PARD3B: variants seen among roughly 807,000 people sequenced by gnomAD.
The protein encoded by PARD3B is partitioning defective 3 homolog B.
PARD3B carries 103 observed loss-of-function variants against 130.2 expected under a neutral mutation model. That is an observed-to-expected ratio of 0.79 (90% CI 0.67 to 0.93). The LOEUF is 0.93. PARD3B is among the 40% of genes least tolerant of loss of function. The pLI is 0.00. For synonymous variants in PARD3B, 583 were observed against 553.2 expected (o/e 1.05, Z -0.76); for missense variants, 1,609 against 1,499.2 (o/e 1.07, Z -1.21).
intron 22 of PARD3B, among the ~76,000 whole-genome samples, chr2:205,601,382 T>C (rs1248066365): frequency 6.6e-6 from 1 of 152,208 alleles, no homozygotes; most frequent in East Asian, 1.9e-4. Context: ...AAGTTCCTTA[T>C]AGATTCTGGA....
At chr2:204,865,745 A>G (rs2045385924) in intron 2 of PARD3B, among the ~76,000 whole-genome samples, 1 of 152,228 alleles carries the variant, frequency 6.6e-6, no homozygotes, top group Non-Finnish European at 1.5e-5. Flanking sequence ...GAACTTATTT[A>G]TGTAACCAAA....
At chr2:205,340,817 T>G (rs1022949385) in intron 18 of PARD3B, among the ~76,000 whole-genome samples, 1 of 152,028 alleles carries the variant, frequency 6.6e-6, no homozygotes, top group African/African-American at 2.4e-5. Flanking sequence ...GCCACTCCAC[T>G]CTGGGTGAAA....
chr2:204,814,910 A>C (rs2043093551), intron 2 of PARD3B, among the ~76,000 whole-genome samples: 1 of 152,044 alleles, frequency 6.6e-6, no homozygotes, highest in South Asian at 2.1e-4. Context: ...CTTCAGTACA[A>C]GTAAAATTGT....
chr2:205,299,001 C>T lies in PARD3B; in HGVS notation c.2186-1529C>T, dbSNP rs534409083. Among the ~76,000 whole-genome samples the T allele has an allele frequency of 3.1e-3, 472 of 152,244 alleles. 1 individual carries two copies. Among genetic ancestry groups the T allele is most frequent in the African/African-American group, 0.011 (447 of 41,552 alleles). The stretch of plus-strand genomic sequence containing the variant: ...GGGGCTAAAAGTAGTACCAGTAGCA[C>T]AACTATAAGGATTATAGTAAGTTAC... On this transcript the variant is annotated intron_variant, in intron 16 of 22. Coordinates refer to ENST00000406610, the MANE Select transcript of PARD3B (RefSeq NM_001302769.2).
chr2:205,147,461 A>G (rs1043580959), intron 10 of PARD3B, among the ~76,000 whole-genome samples: 2 of 152,204 alleles, frequency 1.3e-5, no homozygotes, highest in Admixed American at 6.5e-5. Flanking sequence ...TTGAACAGGC[A>G]ATATGGAATG....
At chr2:204,667,887 G>A (rs2125197788) in intron 1 of PARD3B, among the ~76,000 whole-genome samples, 2 of 152,296 alleles carry the variant, frequency 1.3e-5, no homozygotes, top group Non-Finnish European at 2.9e-5. Flanking sequence ...CTTTTAGCAT[G>A]TGAAAGACTT....
intron 22 of PARD3B, among the ~76,000 whole-genome samples, chr2:205,596,182 T>A (rs1223233289): frequency 6.6e-6 from 1 of 152,194 alleles, no homozygotes; most frequent in Non-Finnish European, 1.5e-5. Context: ...ACCAACCATG[T>A]AATGATCAGC....
intron 12 of PARD3B, among the ~76,000 whole-genome samples, chr2:205,173,952 C>T (rs2035319187): frequency 1.3e-5 from 2 of 152,134 alleles, no homozygotes; most frequent in Admixed American, 6.5e-5. Context: ...CATATCAGAT[C>T]TCCCTTAAGA....
intron 16 of PARD3B, among the ~76,000 whole-genome samples, chr2:205,296,876 TA>T (rs35938355): frequency 0.038 from 5,497 of 144,880 alleles, 159 homozygotes; most frequent in African/African-American, 0.081. Flanking sequence ...AACATCTTTT[TA>T]AAAAAAAAAA....
chr2:205,496,024 A>G (rs1214102010), intron 20 of PARD3B, among the ~76,000 whole-genome samples: 1 of 152,180 alleles, frequency 6.6e-6, no homozygotes, highest in Non-Finnish European at 1.5e-5. Flanking sequence ...ATTGAGAAAG[A>G]ATGCTCTAAT....
At chr2:205,188,695 G>A (rs1247498666) in intron 14 of PARD3B, among the ~76,000 whole-genome samples, 1 of 151,936 alleles carries the variant, frequency 6.6e-6, no homozygotes, top group Admixed American at 6.6e-5. Context: ...CAGCAGCAGG[G>A]GTTGGATGTG....
chr2:204,763,021 A>G lies in PARD3B; in HGVS notation c.222+76739A>G, dbSNP rs1266768679. Reference sequence around the variant, plus strand: ...GTGATCCGCCCACCTCGGCCTCCCAAAGTGCTGGGATTACATGCGTGAGCC... The same window carrying G: ...GTGATCCGCCCACCTCGGCCTCCCAGAGTGCTGGGATTACATGCGTGAGCC... On this transcript the variant is annotated intron_variant, in intron 2 of 22. Coordinates refer to ENST00000406610, the MANE Select transcript of PARD3B (RefSeq NM_001302769.2). Among the ~76,000 whole-genome samples, 3 of 152,026 alleles carry G rather than the reference A, an allele frequency of 2.0e-5. No individual in the cohort carries two copies. In the East Asian group the frequency reaches 5.8e-4, roughly 29 times the overall value.
intron 2 of PARD3B, among the ~76,000 whole-genome samples, chr2:204,695,936 G>C (rs2037588595): frequency 6.6e-6 from 1 of 151,986 alleles, no homozygotes; most frequent in Non-Finnish European, 1.5e-5. Context: ...AGTGAATGTG[G>C]GTGGTAAGAA....
rs2048788108 is a variant in PARD3B, at chr2:205,470,501, T to C, written c.3045-29395T>C. On this transcript the variant is annotated intron_variant, in intron 20 of 22. Coordinates refer to ENST00000406610, the MANE Select transcript of PARD3B (RefSeq NM_001302769.2). The surrounding 1 kb of genome is among the most constrained non-coding windows in gnomAD (Gnocchi z 4.8). ...CCCAGATTTCAGGAGTTAGAGCATT[T>C]CTCCTGAATCTCCCTAAACTCGCAT... 6.6e-6 allele frequency among the ~76,000 whole-genome samples: 1 copy of C among 152,166 alleles called. No individual in the cohort carries two copies. Among genetic ancestry groups the C allele is most frequent in the Non-Finnish European group, 1.5e-5 (1 of 68,032 alleles).
Position 205,345,803 on chromosome 2 carries a change from A to G in PARD3B, c.2630+44102A>G, listed in dbSNP as rs932226100. ...GAATAGTTACAAGGGCACAGTGGCA[A>G]TTATGATGCTTTACAAAAATACCAT... is the stretch of plus-strand genomic sequence containing the variant. On this transcript the variant is annotated intron_variant, in intron 18 of 22. Coordinates refer to ENST00000406610, the MANE Select transcript of PARD3B (RefSeq NM_001302769.2). 2.0e-4 allele frequency among the ~76,000 whole-genome samples: 13 copies of G among 66,434 alleles called. 3 individuals carry two copies. Among genetic ancestry groups the G allele is most frequent in the Admixed American group, 7.3e-4 (3 of 4,100 alleles). The allele number at this position is 66,434 out of a possible 152,430, so 43.6% of individuals were successfully genotyped here.
At chr2:205,342,598 C>A (rs894653307) in intron 18 of PARD3B, among the ~76,000 whole-genome samples, 1 of 152,138 alleles carries the variant, frequency 6.6e-6, no homozygotes, top group Admixed American at 6.5e-5. Context: ...GCAGCATATG[C>A]AGCTGTATGA....
At chr2:204,942,040 T>A (rs928275923) in intron 2 of PARD3B, among the ~76,000 whole-genome samples, 9 of 152,172 alleles carry the variant, frequency 5.9e-5, no homozygotes, top group African/African-American at 1.9e-4. Flanking sequence ...CAGGTAATGT[T>A]CAATATGTGC....
At chr2:204,812,196 T>C (rs2042986172) in intron 2 of PARD3B, among the ~76,000 whole-genome samples, 1 of 152,196 alleles carries the variant, frequency 6.6e-6, no homozygotes, top group Non-Finnish European at 1.5e-5. Context: ...GCAGTGAGCA[T>C]AAAGTTTTTT....
intron 20 of PARD3B, among the ~76,000 whole-genome samples, chr2:205,475,827 TAGTC>T (rs1422731102): frequency 2.0e-5 from 3 of 152,192 alleles, no homozygotes; most frequent in Non-Finnish European, 4.4e-5. Context: ...TTTGTTGTGA[TAGTC>T]AGTGAAAGCC....
Sources: allele counts gnomAD v4.1 joint callset (sites outside exome capture counted in the v4.1 genomes callset), GRCh38; gene constraint gnomAD v4.1.1; non-coding constraint Gnocchi (gnomAD v3.1); transcripts MANE v1.5; gene names NCBI Gene and HGNC (gene_info 2026-07-23, HGNC 2026-07-21).